The following PEX14 variants were observed in gnomAD, a reference collection of about 807,000 sequenced individuals.
PEX14 encodes peroxisomal membrane protein PEX14.
A neutral mutation model predicts 49.5 loss-of-function variants in PEX14; 15 were observed. That is an observed-to-expected ratio of 0.30 (90% confidence interval 0.20 to 0.47). The LOEUF (loss-of-function observed/expected upper bound fraction) is 0.47, where lower values mean the gene tolerates loss of function less well. Ranked by LOEUF, PEX14 falls within the 20% of genes least tolerant of loss-of-function variation. PEX14 has a pLI of 1.00. For synonymous variants in PEX14, 210 were observed against 212.7 expected (o/e 0.99, Z 0.11); for missense variants, 398 against 494.8 (o/e 0.80, Z 1.86).
intron 3 of PEX14, among the ~76,000 whole-genome samples, chr1:10,559,620 C>A (rs1158457575): frequency 2.0e-5 from 3 of 152,284 alleles, no homozygotes; most frequent in African/African-American, 2.4e-5. Flanking sequence ...AGCCTCCCCC[C>A]ACCACCACCC....
chr1:10,518,433 C>T (rs762014594), intron 2 of PEX14, among the ~76,000 whole-genome samples: 3 of 152,064 alleles, frequency 2.0e-5, no homozygotes, highest in Non-Finnish European at 4.4e-5. Context: ...ATATTGAGAG[C>T]GTCATCCCGT....
intron 2 of PEX14, among the ~76,000 whole-genome samples, chr1:10,508,960 G>A (rs1025263514): frequency 2.3e-4 from 35 of 150,746 alleles, no homozygotes; most frequent in African/African-American, 7.5e-4. Flanking sequence ...TTTTTGAGAC[G>A]GAGTCTCGCT....
At chr1:10,526,896 C>A (rs887460592) in intron 2 of PEX14, among the ~76,000 whole-genome samples, 2 of 152,004 alleles carry the variant, frequency 1.3e-5, no homozygotes, top group African/African-American at 2.4e-5. Flanking sequence ...TGTTGACTTT[C>A]TTCTGTTTTC....
At chr1:10,509,251 G>A (rs1490360309) in intron 2 of PEX14, among the ~76,000 whole-genome samples, 2 of 152,090 alleles carry the variant, frequency 1.3e-5, no homozygotes, top group African/African-American at 4.8e-5. Flanking sequence ...CCCGGCAAAG[G>A]CATGCCTCTT....
intron 5 of PEX14, among the ~76,000 whole-genome samples, chr1:10,621,806 C>T (rs1257266306): frequency 6.6e-6 from 1 of 152,170 alleles, no homozygotes; most frequent in Non-Finnish European, 1.5e-5. Flanking sequence ...GAATGATCTT[C>T]ACTTAGGAGT....
At chr1:10,551,393 G>A (rs1302155693) in intron 3 of PEX14, among the ~76,000 whole-genome samples, 12 of 152,044 alleles carry the variant, frequency 7.9e-5, no homozygotes, top group Non-Finnish European at 1.8e-4. Flanking sequence ...CTCAGGAGTC[G>A]AACCTCCATG....
chr1:10,610,262 A>G (rs1259567447), intron 4 of PEX14, among the ~76,000 whole-genome samples: 2 of 148,228 alleles, frequency 1.3e-5, no homozygotes, highest in African/African-American at 4.9e-5. Flanking sequence ...GAAGTTTTAT[A>G]GTGTTAGTTT....
chr1:10,625,270 GGC>G (rs1192413221), intron 7 of PEX14, among the ~76,000 whole-genome samples: 1 of 152,120 alleles, frequency 6.6e-6, no homozygotes, highest in Non-Finnish European at 1.5e-5. Flanking sequence ...AGGAGACAGT[GGC>G]CTGGTAGCTC....
chr1:10,479,000 C>T (rs1312226495), intron 1 of PEX14, among the ~76,000 whole-genome samples: 2 of 151,932 alleles, frequency 1.3e-5, no homozygotes, highest in African/African-American at 4.8e-5. Context: ...ATCCGCCCAC[C>T]TCGGCCTCCC....
chr1:10,535,818 C>G, intron 2 of PEX14: 1 of 349,464 alleles, frequency 2.9e-6, no homozygotes, highest in Non-Finnish European at 5.6e-6. Flanking sequence ...CGTGGGGTAA[C>G]GTTTAGACAG....
intron 3 of PEX14, among the ~76,000 whole-genome samples, chr1:10,593,800 AC>A (rs1488270135): frequency 6.6e-6 from 1 of 152,208 alleles, no homozygotes. Flanking sequence ...ATGTTCAGAG[AC>A]AATAGAAGCC....
rs1187693629 is a variant in PEX14, at chr1:10,512,976, C to T, written c.84+17655C>T. 2.6e-5 allele frequency among the ~76,000 whole-genome samples: 4 copies of T among 152,230 alleles called. No homozygotes were observed. Among genetic ancestry groups the T allele is most frequent in the Non-Finnish European group, 5.9e-5 (4 of 68,032 alleles). ...TCTCCCAGAATGCTGGGATTACAGG[C>T]GTAGGCCACCGTGCCCGGCCCTTTT... On this transcript the variant is annotated intron_variant, in intron 2 of 8. Transcript: ENST00000356607. This position sits in a 1 kb window ranked among gnomAD's most constrained non-coding sequence, Gnocchi z 4.6.
Position 10,494,792 on chromosome 1 carries a change from C to T in PEX14, c.37-482C>T, listed in dbSNP as rs2124400953. 6.6e-6 allele frequency among the ~76,000 whole-genome samples: 1 copy of T among 152,330 alleles called. No homozygotes were observed. ...CTTCTGGGCTCCAGAAACTAGATGC[C>T]CAGAGAAAATCCTGAGCGTGGGCAG... On this transcript the variant is annotated intron_variant, in intron 1 of 8. Transcript: ENST00000356607. The surrounding 1 kb of genome is among the most constrained non-coding windows in gnomAD (Gnocchi z 4.3).
intron 4 of PEX14, among the ~76,000 whole-genome samples, chr1:10,605,709 TCTTCCATTTCTCTCTCATG>T (rs1641107533): frequency 6.6e-6 from 1 of 152,260 alleles, no homozygotes; most frequent in South Asian, 2.1e-4. Flanking sequence ...TCTCTCTGTC[TCTTCCATTTCTCTCTCATG>T]CTTCCATTTC....
intron 2 of PEX14, among the ~76,000 whole-genome samples, chr1:10,528,692 A>G (rs139750757): frequency 2.6e-4 from 40 of 152,350 alleles, no homozygotes; most frequent in Non-Finnish European, 4.0e-4. Flanking sequence ...ACCAGGGGAT[A>G]CTGGAAGAAG....
intron 1 of PEX14, among the ~76,000 whole-genome samples, chr1:10,480,837 C>T (rs1360714189): frequency 7.1e-6 from 1 of 140,646 alleles, no homozygotes. Flanking sequence ...GTCTCTCTCT[C>T]TCTTTCTCTC....
chr1:10,484,028 CTTTT>C (rs200948766), intron 1 of PEX14, among the ~76,000 whole-genome samples: 2 of 132,418 alleles, frequency 1.5e-5, no homozygotes, highest in East Asian at 2.1e-4. Flanking sequence ...AATGAATTAC[CTTTT>C]TTTTTTTTTT....
chr1:10,550,382 A>G (rs938637853), intron 3 of PEX14, among the ~76,000 whole-genome samples: 7 of 152,246 alleles, frequency 4.6e-5, no homozygotes, highest in African/African-American at 1.4e-4. Context: ...CTATTCTCCC[A>G]GTCTAGAATT....
intron 2 of PEX14, among the ~76,000 whole-genome samples, chr1:10,498,438 AGAAGACTT>A (rs2124408816): frequency 6.6e-6 from 1 of 152,318 alleles, no homozygotes; most frequent in South Asian, 2.1e-4. Flanking sequence ...TGCTAGGCAA[AGAAGACTT>A]GATTTTCAGT....
Sources: allele counts gnomAD v4.1 joint callset (sites outside exome capture counted in the v4.1 genomes callset), GRCh38; gene constraint gnomAD v4.1.1; non-coding constraint Gnocchi (gnomAD v3.1); transcripts MANE v1.5; gene names NCBI Gene and HGNC (gene_info 2026-07-23, HGNC 2026-07-21).